Variants in VPS13B observed in about 807,000 individuals in gnomAD.
The protein encoded by VPS13B is intermembrane lipid transfer protein VPS13B.
VPS13B carries 285 observed loss-of-function variants against 426.4 expected under a neutral mutation model. The ratio of observed to expected loss-of-function variants is 0.67; its 90% CI spans 0.61 to 0.74. The LOEUF is 0.74. Among genes scored for constraint, VPS13B ranks in the 30% least tolerant of loss-of-function variants. VPS13B has a pLI of 0.00. For synonymous variants in VPS13B, 1,676 were observed against 1,676.4 expected, an observed-to-expected ratio of 1.00 and a Z score of 0.01; for missense variants, 4,537 against 4,782.6, an observed-to-expected ratio of 0.95 and a Z score of 1.51.
At chr8:99,500,164 T>C (rs1563763331) in intron 25 of VPS13B, among the ~76,000 whole-genome samples, 1 of 152,180 alleles carries the variant, frequency 6.6e-6, no homozygotes, top group Non-Finnish European at 1.5e-5. Flanking sequence ...ACTGACCATA[T>C]TATATTGTCT....
intron 21 of VPS13B, among the ~76,000 whole-genome samples, chr8:99,411,261 G>T (rs1357982124): frequency 6.6e-6 from 1 of 152,056 alleles, no homozygotes; most frequent in African/African-American, 2.4e-5. Context: ...ATTCTAACCG[G>T]CATGAGATGG....
At chr8:99,392,375 G>A (rs940266931) in intron 21 of VPS13B, among the ~76,000 whole-genome samples, 1 of 151,774 alleles carries the variant, frequency 6.6e-6, no homozygotes, top group African/African-American at 2.4e-5. Context: ...TAATTTTTAT[G>A]ATTTTATTTT....
At chr8:99,334,133 A>C (rs1810692827) in intron 19 of VPS13B, among the ~76,000 whole-genome samples, 1 of 151,974 alleles carries the variant, frequency 6.6e-6, no homozygotes, top group South Asian at 2.1e-4. Flanking sequence ...CTTTATAAAA[A>C]ACTACTAGAC....
At chr8:99,398,171 C>T (rs1422767035) in intron 21 of VPS13B, among the ~76,000 whole-genome samples, 20 of 152,146 alleles carry the variant, frequency 1.3e-4, no homozygotes, top group Admixed American at 1.3e-3. Context: ...GAGTCATCAA[C>T]ATATGGATCA....
At chr8:99,333,832 T>C (rs1810673800) in intron 19 of VPS13B, among the ~76,000 whole-genome samples, 1 of 152,024 alleles carries the variant, frequency 6.6e-6, no homozygotes, top group Non-Finnish European at 1.5e-5. Flanking sequence ...GATGTATACA[T>C]GTATGTATCA....
intron 30 of VPS13B, among the ~76,000 whole-genome samples, chr8:99,522,460 TG>T (rs748624792): frequency 6.6e-6 from 1 of 152,200 alleles, no homozygotes; most frequent in Non-Finnish European, 1.5e-5. Flanking sequence ...TGTGTGAAAT[TG>T]TTTTTTTAGG....
At chr8:99,264,864 T>G (rs1345323873) in intron 17 of VPS13B, among the ~76,000 whole-genome samples, 6 of 152,136 alleles carry the variant, frequency 3.9e-5, no homozygotes, top group Non-Finnish European at 7.4e-5. Flanking sequence ...ACCTTTTGGT[T>G]TTTAGATATT....
chr8:99,244,844 T>C (rs4490802), intron 17 of VPS13B, among the ~76,000 whole-genome samples: 112,565 of 152,082 alleles, frequency 0.74, 42,316 homozygotes, highest in South Asian at 0.86. Flanking sequence ...GCTAAATGAG[T>C]ACCTCATGAC....
chr8:99,646,324 AG>A (rs1829574968), intron 34 of VPS13B, among the ~76,000 whole-genome samples: 1 of 152,098 alleles, frequency 6.6e-6, no homozygotes, highest in South Asian at 2.1e-4. Flanking sequence ...AGACTAGCCT[AG>A]ACAACATAGT....
chr8:99,271,195 A>T (rs1048540765), intron 17 of VPS13B, among the ~76,000 whole-genome samples: 1 of 145,230 alleles, frequency 6.9e-6, no homozygotes, highest in Admixed American at 7.0e-5. Flanking sequence ...TGCTACCACT[A>T]ACTACTACTA....
chr8:99,660,966 A>T (rs914036871), intron 34 of VPS13B, among the ~76,000 whole-genome samples: 1 of 152,234 alleles, frequency 6.6e-6, no homozygotes, highest in Non-Finnish European at 1.5e-5. Context: ...TTGAAAATGT[A>T]TATGCTTTTT....
intron 17 of VPS13B, among the ~76,000 whole-genome samples, chr8:99,257,165 A>C (rs574254731): frequency 5.9e-5 from 9 of 152,302 alleles, no homozygotes; most frequent in African/African-American, 2.2e-4. Flanking sequence ...GGGCAATTAC[A>C]TTTCAATGTG....
At chr8:99,371,613 G>A (rs534364314) in intron 19 of VPS13B, among the ~76,000 whole-genome samples, 10 of 152,344 alleles carry the variant, frequency 6.6e-5, no homozygotes, top group African/African-American at 1.9e-4. Flanking sequence ...TGCAAAGAAA[G>A]TCAGTGGTAG....
intron 23 of VPS13B, among the ~76,000 whole-genome samples, chr8:99,459,244 G>A (rs1818704241): frequency 6.6e-6 from 1 of 152,070 alleles, no homozygotes; most frequent in Admixed American, 6.5e-5. Context: ...ACGTTGAGTT[G>A]GTTGATAATC....
chr8:99,172,801 A>G (rs1178242750), intron 16 of VPS13B, among the ~76,000 whole-genome samples: 1 of 152,160 alleles, frequency 6.6e-6, no homozygotes, highest in African/African-American at 2.4e-5. Flanking sequence ...AATCTTAGAC[A>G]TTATCCCAGT....
At chr8:99,818,421 C>A (rs1413000138) in intron 45 of VPS13B, 30 bp from the exon 46 acceptor site, 6 of 1,597,188 alleles carry the variant, frequency 3.8e-6, no homozygotes, top group Admixed American at 1.7e-5. Context: ...GCTTAGTATT[C>A]AATAGGACCC....
intron 31 of VPS13B, among the ~76,000 whole-genome samples, chr8:99,571,433 A>G (rs990023525): frequency 6.6e-6 from 1 of 152,160 alleles, no homozygotes; most frequent in Admixed American, 6.5e-5. Context: ...ACTTAATACT[A>G]TATACCAGAA....
At chr8:99,595,600 A>G (rs969063560) in intron 33 of VPS13B, among the ~76,000 whole-genome samples, 1 of 151,726 alleles carries the variant, frequency 6.6e-6, no homozygotes, top group Non-Finnish European at 1.5e-5. Context: ...CACAAAAACT[A>G]AAAAGAAAAA....
At chr8:99,270,131 C>CTTTTTTTTTTTTTTTTT (rs71273170) in intron 17 of VPS13B, among the ~76,000 whole-genome samples, 989 of 30,312 alleles carry the variant, frequency 0.033, 457 homozygotes, top group East Asian at 0.04. Flanking sequence ...ATATAAGAAT[C>CTTTTTTTTTTTTTTTTT]TTTTTTTTTT....
Sources: allele counts gnomAD v4.1 joint callset (sites outside exome capture counted in the v4.1 genomes callset), GRCh38; gene constraint gnomAD v4.1.1; transcripts MANE v1.5; gene names NCBI Gene and HGNC (gene_info 2026-07-23, HGNC 2026-07-21).